RABEP1: variants seen among roughly 807,000 people sequenced by gnomAD.
The protein encoded by RABEP1 is rabaptin, RAB GTPase binding effector protein 1.
Under a neutral mutation model 123.4 loss-of-function variants are expected in RABEP1, and 51 were observed. The ratio of observed to expected loss-of-function variants is 0.41; its 90% CI spans 0.33 to 0.52. The LOEUF is 0.52. RABEP1 is among the 20% of genes least tolerant of loss of function. The pLI is 0.16. For synonymous variants in RABEP1, 347 were observed against 355.2 expected (o/e 0.98, Z 0.26); for missense variants, 888 against 996.3 (o/e 0.89, Z 1.46).
At chr17:5,337,955 G>T (rs535109412) in intron 4 of RABEP1, 64 bp from the exon 5 acceptor site, 1 of 1,527,716 alleles carries the variant, frequency 6.5e-7, no homozygotes, top group East Asian at 2.3e-5. Context: ...AAATGGAAGG[G>T]TTAGAGTTTC....
At chr17:5,335,376 T>C (rs762259165) in intron 4 of RABEP1, 32 bp downstream of exon 4, 2 of 1,563,326 alleles carry the variant, frequency 1.3e-6, no homozygotes, top group African/African-American at 1.4e-5. Context: ...TGTAGAAATA[T>C]TTGAATTCAA....
At chr17:5,294,315 C>T (rs1038890535) in intron 1 of RABEP1, among the ~76,000 whole-genome samples, 5 of 152,056 alleles carry the variant, frequency 3.3e-5, no homozygotes, top group African/African-American at 4.8e-5. Flanking sequence ...ACCCGGGAGG[C>T]GGAGGTTGCA....
intron 17 of RABEP1, chr17:5,381,759 A>G (rs1357679608): frequency 1.8e-5 from 6 of 338,830 alleles, no homozygotes; most frequent in Admixed American, 4.7e-5. Flanking sequence ...TTAGCATACC[A>G]TGTAAGACTC....
At chr17:5,378,273 G>C in intron 15 of RABEP1, 41 bp downstream of exon 15, 4 of 1,491,622 alleles carry the variant, frequency 2.7e-6, no homozygotes, top group Non-Finnish European at 2.8e-6. Context: ...AGCAACCAGT[G>C]GTTATTTACT....
At chr17:5,366,330 G>A (rs769952690) in intron 11 of RABEP1, among the ~76,000 whole-genome samples, 3 of 151,942 alleles carry the variant, frequency 2.0e-5, no homozygotes, top group Non-Finnish European at 4.4e-5. Flanking sequence ...TTTATTGGGT[G>A]GTCTGTTTAT....
chr17:5,295,405 T>A (rs1198880486), intron 1 of RABEP1, among the ~76,000 whole-genome samples: 1 of 149,638 alleles, frequency 6.7e-6, no homozygotes, highest in Non-Finnish European at 1.5e-5. Context: ...AAAAAAAAAG[T>A]TATTTTTAAT....
chr17:5,360,187 A>G (rs74628726), intron 8 of RABEP1, among the ~76,000 whole-genome samples: 4,553 of 152,314 alleles, frequency 0.03, 79 homozygotes, highest in Middle Eastern at 0.068. Context: ...AAATAGATGG[A>G]ATTACATAAT....
intron 2 of RABEP1, among the ~76,000 whole-genome samples, chr17:5,327,908 T>C (rs918676426): frequency 6.6e-6 from 1 of 152,036 alleles, no homozygotes; most frequent in Admixed American, 6.5e-5. Flanking sequence ...ATTGTCAAAA[T>C]GGGAAAAGAC....
Position 5,383,552 on chromosome 17 carries a change from A to G in RABEP1, c.*329A>G, listed in dbSNP as rs912268303. 2.0e-5 allele frequency: 7 copies of G among 353,820 alleles called. No homozygotes were observed. The Admixed American group carries it at 3.0e-4, about 15-fold the overall frequency. 21.9% of individuals were successfully genotyped at this position (353,820 alleles called of 1,614,324 possible). ...TTTTCGGAACACATTTCCCTACCCTAAAGCGACATCCCAGTAGTGTTTGGA... is the reference window on the plus strand; with the variant it reads ...TTTTCGGAACACATTTCCCTACCCTGAAGCGACATCCCAGTAGTGTTTGGA... On this transcript the variant is annotated 3_prime_UTR_variant, in exon 18 of 18. Transcript: ENST00000537505.
chr17:5,286,498 A>T (rs192925197), intron 1 of RABEP1, among the ~76,000 whole-genome samples: 2 of 148,146 alleles, frequency 1.4e-5, no homozygotes, highest in East Asian at 5.1e-4. Context: ...TGTCTCAAAA[A>T]AAAAAGAGTT....
intron 2 of RABEP1, among the ~76,000 whole-genome samples, chr17:5,323,702 G>T (rs1905623194): frequency 1.2e-5 from 1 of 83,468 alleles, no homozygotes; most frequent in East Asian, 3.6e-4. Context: ...CTCTCTCTAG[G>T]AATATATATA....
Position 5,346,498 on chromosome 17 carries a change from T to C in RABEP1, c.649-292T>C, listed in dbSNP as rs189928505. 3.0e-3 allele frequency among the ~76,000 whole-genome samples: 456 copies of C among 152,334 alleles called. 1 individual carries two copies. The highest frequency in any genetic ancestry group is 3.5e-3 in the Non-Finnish European group (239 of 68,026). ...TGAAACAGATACATGCATATGTTGA[T>C]GTGGGAATACAAATTGGAGCCGCCT... On this transcript the variant is annotated intron_variant, in intron 5 of 17. Transcript: ENST00000537505.
chr17:5,322,356 CAAAAGAAAA>C (rs1905454881), intron 2 of RABEP1, among the ~76,000 whole-genome samples: 1 of 145,738 alleles, frequency 6.9e-6, no homozygotes, highest in Non-Finnish European at 1.5e-5. Context: ...GAAACTGTCT[CAAAAGAAAA>C]AAAAGAAAAG....
chr17:5,383,438 A>C lies in RABEP1; in HGVS notation c.*215A>C. On this transcript the variant is annotated 3_prime_UTR_variant, in exon 18 of 18. Coordinates refer to ENST00000537505, the MANE Select transcript of RABEP1 (RefSeq NM_004703.6). ...CCAGAGACCTTCAAATGCGAACACT[A>C]TAAACTCCAGGCTTGATTCCAACAG... The C allele has an allele frequency of 1.9e-6, 1 of 523,084 alleles. No individual in the cohort carries two copies. The highest frequency in any genetic ancestry group is 3.4e-6 in the Non-Finnish European group (1 of 290,626). The allele number at this position is 523,084 out of a possible 1,614,324, so 32.4% of individuals were successfully genotyped here.
chr17:5,294,184 T>C (rs1442362049), intron 1 of RABEP1, among the ~76,000 whole-genome samples: 4 of 152,160 alleles, frequency 2.6e-5, no homozygotes, highest in South Asian at 4.2e-4. Flanking sequence ...AATCATGAGG[T>C]CAGGAGTTCG....
intron 2 of RABEP1, among the ~76,000 whole-genome samples, chr17:5,327,549 A>T (rs373281867): frequency 6.6e-6 from 1 of 152,050 alleles, no homozygotes; most frequent in Admixed American, 6.6e-5. Flanking sequence ...GCATGTGACT[A>T]TGTGTCTGAG....
chr17:5,343,440 G>C (rs1597372083), intron 5 of RABEP1, among the ~76,000 whole-genome samples: 4 of 152,114 alleles, frequency 2.6e-5, no homozygotes, highest in Admixed American at 2.6e-4. Flanking sequence ...TGTAGTCCCA[G>C]CTACTCGGGA....
At chr17:5,304,233 T>G (rs1174371232) in intron 1 of RABEP1, among the ~76,000 whole-genome samples, 1 of 152,064 alleles carries the variant, frequency 6.6e-6, no homozygotes, top group Non-Finnish European at 1.5e-5. Flanking sequence ...ATTTGAGACA[T>G]TCTGAATTGA....
At chr17:5,286,653 GAC>G (rs1035563783) in intron 1 of RABEP1, among the ~76,000 whole-genome samples, 2 of 152,132 alleles carry the variant, frequency 1.3e-5, no homozygotes, top group Non-Finnish European at 2.9e-5. Flanking sequence ...TAATCCTATA[GAC>G]ACACACAAAA....
Sources: gnomAD v4.1 joint callset for allele counts (sites outside exome capture counted in the v4.1 genomes callset) on GRCh38, gnomAD v4.1.1 for gene constraint, MANE v1.5 for transcripts, NCBI Gene and HGNC (gene_info 2026-07-23, HGNC 2026-07-21) for gene names.